The following SMOC1 variants were observed in gnomAD, a reference collection of about 807,000 sequenced individuals.
The protein encoded by SMOC1 is SPARC-related modular calcium-binding protein 1.
Under a neutral mutation model 56.3 loss-of-function variants are expected in SMOC1, and 22 were observed. The ratio of observed to expected loss-of-function variants is 0.39; its 90% CI spans 0.28 to 0.56. The LOEUF (loss-of-function observed/expected upper bound fraction) is 0.56. Among genes scored for constraint, SMOC1 ranks in the 20% least tolerant of loss-of-function variants. SMOC1 has a pLI of 0.61. For missense variants in SMOC1, 509 were observed against 565.4 expected, an observed-to-expected ratio of 0.90 and a Z score of 1.01; for synonymous variants, 193 against 215.0, an observed-to-expected ratio of 0.90 and a Z score of 0.89.
At chr14:69,898,480 CT>C (rs1293982748) in intron 1 of SMOC1, among the ~76,000 whole-genome samples, 1 of 150,654 alleles carries the variant, frequency 6.6e-6, no homozygotes, top group Non-Finnish European at 1.5e-5. Context: ...TTTTTCCAGT[CT>C]TTTTTCTCTT....
At chr14:69,910,444 T>G (rs576951625) in intron 1 of SMOC1, among the ~76,000 whole-genome samples, 2 of 152,308 alleles carry the variant, frequency 1.3e-5, no homozygotes, top group East Asian at 1.9e-4. Flanking sequence ...CAGGTTTTTA[T>G]TATATTTTGA....
At chr14:70,025,851 A>G (rs1431765911) in intron 11 of SMOC1, among the ~76,000 whole-genome samples, 1 of 152,236 alleles carries the variant, frequency 6.6e-6, no homozygotes, top group East Asian at 1.9e-4. Flanking sequence ...GAAAAATGCT[A>G]GAGTCTATCT....
intron 5 of SMOC1, among the ~76,000 whole-genome samples, chr14:69,988,889 C>A (rs1884464861): frequency 6.6e-6 from 1 of 152,148 alleles, no homozygotes; most frequent in African/African-American, 2.4e-5. Flanking sequence ...TAATTCATTC[C>A]TTTTAATTGC....
chr14:69,994,795 T>C (rs1884707677), intron 7 of SMOC1, among the ~76,000 whole-genome samples: 2 of 152,190 alleles, frequency 1.3e-5, no homozygotes, highest in Non-Finnish European at 2.9e-5. Context: ...CATAAAGAAG[T>C]TGGACTTCAA....
chr14:69,989,485 A>G (rs758991875), intron 5 of SMOC1, among the ~76,000 whole-genome samples: 4 of 152,212 alleles, frequency 2.6e-5, no homozygotes, highest in Admixed American at 6.5e-5. Flanking sequence ...GTTGAATAAG[A>G]TGGTTTGCAC....
chr14:69,975,936 A>C (rs1217547706), intron 4 of SMOC1, 122 bp downstream of exon 4: 1 of 722,442 alleles, frequency 1.4e-6, no homozygotes, highest in Non-Finnish European at 2.5e-6. Context: ...TTTCTAGATC[A>C]GGGAGGATTC....
rs75962242 is a variant in SMOC1 at position 69,900,176 on chromosome 14, G to A, written c.99+20399G>A. 8.5e-4 allele frequency among the ~76,000 whole-genome samples: 130 copies of A among 152,314 alleles called. No homozygotes were observed. The East Asian group carries it at 0.017, about 20-fold the overall frequency. The stretch of plus-strand genomic sequence containing the variant: ...CAATGCAGAGGGAGGCCTAGGAAGA[G>A]AGGAGGAAGGCCCACCTGTGCCTCC... On this transcript the variant is annotated intron_variant, in intron 1 of 11. Transcript: ENST00000361956.
At position 69,879,491 on chromosome 14, in the gene SMOC1, A is replaced by T; in HGVS notation, c.-188A>T. On this transcript the variant is annotated 5_prime_UTR_variant, in exon 1 of 12. Transcript: ENST00000361956. ...CGCGCAGAGCACACGCTCGCGCTCC[A>T]GCTCCCCTCCTGCGCGGTTCATGAC... 2 of 427,836 alleles carry T rather than the reference A, an allele frequency of 4.7e-6. No individual in the cohort carries two copies. Among genetic ancestry groups the T allele is most frequent in the Admixed American group, 9.2e-5 (2 of 21,852 alleles). 26.5% of individuals were successfully genotyped at this position (427,836 alleles called of 1,614,324 possible).
intron 11 of SMOC1, among the ~76,000 whole-genome samples, chr14:70,024,504 A>G (rs1885853013): frequency 6.6e-6 from 1 of 152,162 alleles, no homozygotes; most frequent in Admixed American, 6.5e-5. Flanking sequence ...AATATTTACT[A>G]TTTAGTCTCT....
intron 10 of SMOC1, 28 bp downstream of exon 10, chr14:70,013,519 A>T: frequency 6.2e-7 from 1 of 1,607,874 alleles, no homozygotes. Flanking sequence ...AATCAGGCCC[A>T]GGAGAAAAAT....
At chr14:69,934,867 C>A (rs1885256334) in intron 1 of SMOC1, among the ~76,000 whole-genome samples, 1 of 152,132 alleles carries the variant, frequency 6.6e-6, no homozygotes, top group Non-Finnish European at 1.5e-5. Flanking sequence ...AATTGCTCAA[C>A]TTTTCTGAGT....
At chr14:69,900,726 A>G (rs933852739) in intron 1 of SMOC1, among the ~76,000 whole-genome samples, 26 of 152,340 alleles carry the variant, frequency 1.7e-4, no homozygotes, top group Middle Eastern at 3.4e-3. Flanking sequence ...CCAACACCCA[A>G]AGGCTCTCCT....
At chr14:69,968,364 G>T (rs184229242) in intron 3 of SMOC1, among the ~76,000 whole-genome samples, 33 of 152,264 alleles carry the variant, frequency 2.2e-4, no homozygotes, top group African/African-American at 7.7e-4. Flanking sequence ...CCCTCCAGAT[G>T]ACTCTCATCC....
At chr14:69,980,605 G>A (rs997980339) in intron 5 of SMOC1, among the ~76,000 whole-genome samples, 1 of 152,168 alleles carries the variant, frequency 6.6e-6, no homozygotes, top group South Asian at 2.1e-4. Flanking sequence ...GTGCGAGAGG[G>A]CATTAGTAAT....
At chr14:69,895,529 G>C (rs1019551218) in intron 1 of SMOC1, among the ~76,000 whole-genome samples, 6 of 152,202 alleles carry the variant, frequency 3.9e-5, no homozygotes, top group African/African-American at 1.4e-4. Context: ...CCCATCTTGA[G>C]AGTAGAAGTA....
At chr14:69,900,273 G>T (rs80336833) in intron 1 of SMOC1, among the ~76,000 whole-genome samples, 4,351 of 152,288 alleles carry the variant, frequency 0.029, 91 homozygotes, top group Non-Finnish European at 0.044. Context: ...GGTAGGGAGT[G>T]TGTGTGCCAT....
chr14:70,027,449 G>T (rs1885970492), intron 11 of SMOC1, among the ~76,000 whole-genome samples: 1 of 152,060 alleles, frequency 6.6e-6, no homozygotes, highest in African/African-American at 2.4e-5. Context: ...TAGAGGTGTT[G>T]CAGGGGGTGA....
intron 5 of SMOC1, among the ~76,000 whole-genome samples, chr14:69,989,982 T>G (rs227425): frequency 0.52 from 79,426 of 152,100 alleles, 21,125 homozygotes; most frequent in African/African-American, 0.59. Flanking sequence ...GCATCTTGTC[T>G]TTTCTCACTT....
intron 1 of SMOC1, among the ~76,000 whole-genome samples, chr14:69,882,770 G>A (rs1883680054): frequency 6.6e-6 from 1 of 152,160 alleles, no homozygotes; most frequent in African/African-American, 2.4e-5. Context: ...GTGAAGGCAG[G>A]AACTGTTTCT....
Sources: allele counts gnomAD v4.1 joint callset (sites outside exome capture counted in the v4.1 genomes callset), GRCh38; gene constraint gnomAD v4.1.1; transcripts MANE v1.5; gene names NCBI Gene and HGNC (gene_info 2026-07-23, HGNC 2026-07-21).